USO1: variants seen among roughly 807,000 people sequenced by gnomAD.
USO1 encodes the protein general vesicular transport factor p115.
Under a neutral mutation model 124.5 loss-of-function variants are expected in USO1, and 57 were observed. That is an observed-to-expected ratio of 0.46 (90% CI 0.37 to 0.57). USO1 has a LOEUF of 0.57. USO1 is among the 20% of genes least tolerant of loss of function. The pLI is 0.00. For synonymous variants in USO1, 369 were observed against 362.8 expected (o/e 1.02, Z -0.19); for missense variants, 900 against 1,040.6 (o/e 0.86, Z 1.86).
At chr4:75,745,312 G>T (rs374320380) in intron 1 of USO1, 51 of 519,342 alleles carry the variant, frequency 9.8e-5, no homozygotes, top group African/African-American at 9.6e-4. Context: ...AACTGCCCTG[G>T]CTGGGCAGTT....
chr4:75,761,798 T>C (rs966610386), intron 4 of USO1, among the ~76,000 whole-genome samples: 1 of 152,230 alleles, frequency 6.6e-6, no homozygotes, highest in African/African-American at 2.4e-5. Context: ...AAGCAGTGTT[T>C]AAAAGGTACA....
At chr4:75,758,415 C>G (rs1721503296) in intron 4 of USO1, among the ~76,000 whole-genome samples, 1 of 152,004 alleles carries the variant, frequency 6.6e-6, no homozygotes, top group East Asian at 1.9e-4. Context: ...TCTGAGTAGA[C>G]AAATAATAAA....
Position 75,812,291 on chromosome 4 carries a change from A to C in USO1, c.2715A>C (p.Glu905Asp). 6.2e-7 allele frequency: 1 copy of C among 1,607,590 alleles called. No individual in the cohort carries two copies. The highest frequency in any genetic ancestry group is 8.5e-7 in the Non-Finnish European group (1 of 1,176,824). ...TGGAAATTACAGATTCTAAAAAAGAACAAGATGATCTCTTGGTGCTCTTGG... is the reference window on the plus strand; with the variant it reads ...TGGAAATTACAGATTCTAAAAAAGACCAAGATGATCTCTTGGTGCTCTTGG... ...LELEITDSKK[E>D]QDDLLVLLAD... Residue 905 changes from glutamate (E) to aspartate (D), a missense_variant, in exon 23 of 24, where the codon GAA becomes GAC. This residue lies in a region of USO1 where 362 missense variants were observed against 359.0 expected (regional missense o/e 1.01). Coordinates refer to ENST00000514213, the MANE Select transcript of USO1 (RefSeq NM_003715.4).
rs1723226218 is a variant in USO1, at chr4:75,814,153, G to A, written c.*858G>A. ...AAGTCAGATAATAGATTTTAAAAAA[G>A]CAAATGAGGCAATGTGTCAAAATTT... On this transcript the variant is annotated 3_prime_UTR_variant, in exon 24 of 24. Coordinates refer to ENST00000514213, the MANE Select transcript of USO1 (RefSeq NM_003715.4). 6.6e-6 allele frequency: 1 copy of A among 152,082 alleles called. No individual in the cohort carries two copies. The highest frequency in any genetic ancestry group is 2.1e-4 in the South Asian group (1 of 4,830). 9.4% of individuals were successfully genotyped at this position (152,082 alleles called of 1,614,324 possible).
intron 4 of USO1, among the ~76,000 whole-genome samples, chr4:75,762,006 G>A (rs1389470395): frequency 6.6e-6 from 1 of 152,040 alleles, no homozygotes; most frequent in Non-Finnish European, 1.5e-5. Context: ...TGATACTGTA[G>A]AGAGCTTTAA....
chr4:75,748,065 G>A (rs182404460), intron 1 of USO1, among the ~76,000 whole-genome samples: 5 of 151,446 alleles, frequency 3.3e-5, no homozygotes, highest in East Asian at 3.9e-4. Context: ...GTATCACCAC[G>A]CCCAGCTAAT....
intron 1 of USO1, among the ~76,000 whole-genome samples, chr4:75,731,171 A>C (rs1720620281): frequency 6.6e-6 from 1 of 152,194 alleles, no homozygotes; most frequent in Non-Finnish European, 1.5e-5. Flanking sequence ...ATGTTCCCAC[A>C]TCTCTTTTTA....
chr4:75,759,053 G>T (rs1269629851), intron 4 of USO1, among the ~76,000 whole-genome samples: 2 of 150,226 alleles, frequency 1.3e-5, no homozygotes, highest in Non-Finnish European at 3.0e-5. Context: ...TAATTTGCTG[G>T]GATAATTTTT....
At chr4:75,809,864 C>T (rs1026168516) in intron 21 of USO1, among the ~76,000 whole-genome samples, 3 of 152,172 alleles carry the variant, frequency 2.0e-5, no homozygotes, top group Non-Finnish European at 4.4e-5. Context: ...ATGCACCTCT[C>T]TTACAGCCTC....
chr4:75,743,828 G>A (rs191745154), intron 1 of USO1, among the ~76,000 whole-genome samples: 18 of 152,270 alleles, frequency 1.2e-4, no homozygotes, highest in African/African-American at 3.4e-4. Flanking sequence ...CTAGGCTGGA[G>A]TGCAGTGGCG....
At position 75,790,046 on chromosome 4, in the gene USO1, A is replaced by AT. The variant is rs947865336; in HGVS notation, c.997-103dup. On this transcript the variant is annotated intron_variant, in intron 10 of 23. Coordinates refer to ENST00000514213, the MANE Select transcript of USO1 (RefSeq NM_003715.4). ...CATGTACCCTAAAACTTAAAGTATAATAAAAAAAAAAACAAAAAAAAAAGA... is the reference window on the plus strand; with the variant it reads ...CATGTACCCTAAAACTTAAAGTATAATTAAAAAAAAAAACAAAAAAAAAAGA... 24 of 1,166,742 alleles carry AT rather than the reference A, an allele frequency of 2.1e-5. No homozygotes were observed. The African/African-American group carries it at 4.7e-4, about 23-fold the overall frequency. The allele number at this position is 1,166,742 out of a possible 1,614,324, so 72.3% of individuals were successfully genotyped here.
In USO1 at chr4:75,792,833, C is replaced by T. The variant is rs1722569198; in HGVS notation, c.1241-857C>T. On this transcript the variant is annotated intron_variant, in intron 12 of 23. Transcript: ENST00000514213. ...TCCCCATCTTCCCTCTAACTTCCCA[C>T]TACCCTGCCCTGCCTCTGATAACCA... Among the ~76,000 whole-genome samples the T allele has an allele frequency of 3.3e-5, 5 of 152,162 alleles. No individual in the cohort carries two copies. The South Asian group carries it at 1.0e-3, about 32-fold the overall frequency.
intron 1 of USO1, among the ~76,000 whole-genome samples, chr4:75,748,488 C>T (rs1721198635): frequency 6.6e-6 from 1 of 152,212 alleles, no homozygotes; most frequent in Admixed American, 6.5e-5. Flanking sequence ...CGCGCCTGGC[C>T]ATCCTCCAGT....
intron 9 of USO1, among the ~76,000 whole-genome samples, chr4:75,784,245 C>G (rs1577959629): frequency 6.6e-6 from 1 of 152,230 alleles, no homozygotes; most frequent in East Asian, 1.9e-4. Flanking sequence ...GTCAGGAATT[C>G]CTGAGCTCAA....
intron 12 of USO1, among the ~76,000 whole-genome samples, chr4:75,792,768 A>G (rs1722567712): frequency 2.0e-5 from 3 of 152,052 alleles, no homozygotes; most frequent in Non-Finnish European, 4.4e-5. Context: ...CAAATGGTAT[A>G]TCTTATTCAT....
chr4:75,794,026 C>T (rs1338725551), intron 13 of USO1, 125 bp downstream of exon 13: 7 of 1,387,154 alleles, frequency 5.0e-6, no homozygotes, highest in Non-Finnish European at 6.7e-6. Context: ...ATTAGTTCAT[C>T]ATAATCAGAA....
At chr4:75,778,609 G>A (rs1722136082) in intron 8 of USO1, among the ~76,000 whole-genome samples, 1 of 152,116 alleles carries the variant, frequency 6.6e-6, no homozygotes, top group Non-Finnish European at 1.5e-5. Context: ...CCAGGGATTT[G>A]GGGATAGAGG....
intron 1 of USO1, among the ~76,000 whole-genome samples, chr4:75,745,916 A>C (rs1721111652): frequency 1.3e-5 from 2 of 152,126 alleles, no homozygotes; most frequent in Non-Finnish European, 2.9e-5. Flanking sequence ...AAAATAAAAA[A>C]AAAACGAAAA....
chr4:75,746,826 T>C (rs567198594), intron 1 of USO1, among the ~76,000 whole-genome samples: 18 of 152,336 alleles, frequency 1.2e-4, no homozygotes, highest in Non-Finnish European at 1.9e-4. Context: ...TCAACTTAAT[T>C]ATTTAGTACC....
Sources: allele counts gnomAD v4.1 joint callset (sites outside exome capture counted in the v4.1 genomes callset), GRCh38; gene constraint gnomAD v4.1.1; regional missense constraint gnomAD v4.1.1; transcripts MANE v1.5; gene names NCBI Gene and HGNC (gene_info 2026-07-23, HGNC 2026-07-21).